Variants in ETV6 observed in about 807,000 individuals in gnomAD.
The protein encoded by ETV6 is ETS variant transcription factor 6.
ETV6 carries 16 observed loss-of-function variants against 51.1 expected under a neutral mutation model. The ratio of observed to expected loss-of-function variants is 0.31; its 90% CI spans 0.21 to 0.48. The LOEUF (loss-of-function observed/expected upper bound fraction) is 0.48, where lower values mean the gene tolerates loss of function less well. ETV6 is among the 20% of genes least tolerant of loss of function. ETV6 has a pLI of 0.99. For synonymous variants in ETV6, 240 were observed against 224.1 expected (o/e 1.07, Z -0.64); for missense variants, 458 against 594.8 (o/e 0.77, Z 2.39).
chr12:11,765,929 G>T lies in ETV6; in HGVS notation c.163+13350G>T, dbSNP rs189407235. The stretch of plus-strand genomic sequence containing the variant: ...ACTGTCCTGGGACAGTCCCGTGGTG[G>T]GTGTGAGCGTCTGTGTGATGCAGGT... On this transcript the variant is annotated intron_variant, in intron 2 of 7. Transcript: ENST00000396373. 2.8e-3 allele frequency among the ~76,000 whole-genome samples: 424 copies of T among 152,260 alleles called. 2 individuals are homozygous for T. The highest frequency in any genetic ancestry group is 9.6e-3 in the African/African-American group (400 of 41,524).
rs540080804 is a variant in ETV6, at chr12:11,854,105, G to A, written c.463+544G>A. 5.9e-5 allele frequency among the ~76,000 whole-genome samples: 9 copies of A among 152,204 alleles called. No individual in the cohort carries two copies. In the East Asian group the frequency reaches 9.6e-4, roughly 16 times the overall value. On this transcript the variant is annotated intron_variant, in intron 4 of 7. Coordinates refer to ENST00000396373, the MANE Select transcript of ETV6 (RefSeq NM_001987.5). Reference sequence around the variant, plus strand: ...TGAGCTTGTTTTCCTGCAACTAGACGTTCCCATCTGGGGGTGATGGGAGAC... The same window carrying A: ...TGAGCTTGTTTTCCTGCAACTAGACATTCCCATCTGGGGGTGATGGGAGAC...
chr12:11,700,023 TG>T (rs561469202), intron 1 of ETV6, among the ~76,000 whole-genome samples: 5 of 152,204 alleles, frequency 3.3e-5, no homozygotes, highest in Admixed American at 6.5e-5. Flanking sequence ...TAGTTATTTG[TG>T]TATCTGTGTC....
intron 1 of ETV6, among the ~76,000 whole-genome samples, chr12:11,694,074 T>C (rs545153969): frequency 6.6e-6 from 1 of 152,358 alleles, no homozygotes; most frequent in East Asian, 1.9e-4. Context: ...AGAAACACTG[T>C]ATCATGCCGT....
intron 2 of ETV6, among the ~76,000 whole-genome samples, chr12:11,790,431 C>T (rs1945565013): frequency 6.6e-6 from 1 of 152,098 alleles, no homozygotes; most frequent in Non-Finnish European, 1.5e-5. Flanking sequence ...CCACACATTT[C>T]CTTGGGATGC....
At chr12:11,822,319 A>G (rs923172270) in intron 2 of ETV6, among the ~76,000 whole-genome samples, 3 of 152,308 alleles carry the variant, frequency 2.0e-5, no homozygotes, top group Admixed American at 6.5e-5. Flanking sequence ...TGAGATGATC[A>G]TTCAGCCTGA....
At chr12:11,773,994 G>A (rs565504241) in intron 2 of ETV6, among the ~76,000 whole-genome samples, 19 of 152,254 alleles carry the variant, frequency 1.2e-4, no homozygotes, top group South Asian at 4.2e-4. Flanking sequence ...AGAGTGAAGC[G>A]GGCAGAGACT....
chr12:11,795,469 A>G (rs1486347809), intron 2 of ETV6, among the ~76,000 whole-genome samples: 1 of 152,272 alleles, frequency 6.6e-6, no homozygotes, highest in African/African-American at 2.4e-5. Context: ...AACCAGGCCA[A>G]TAGAGCCAAA....
intron 1 of ETV6, among the ~76,000 whole-genome samples, chr12:11,746,612 A>G (rs896800766): frequency 1.3e-5 from 2 of 152,172 alleles, no homozygotes; most frequent in African/African-American, 4.8e-5. Context: ...TATTGAGACC[A>G]TCCTGGAAAT....
chr12:11,672,717 C>T (rs981691398), intron 1 of ETV6, among the ~76,000 whole-genome samples: 2 of 152,230 alleles, frequency 1.3e-5, no homozygotes, highest in African/African-American at 2.4e-5. Context: ...CCCCACCACA[C>T]GTGTTAACAG....
At position 11,872,081 on chromosome 12, in the gene ETV6, T is replaced by C. The variant is rs528118516; in HGVS notation, c.1009+2112T>C. 8.5e-5 allele frequency among the ~76,000 whole-genome samples: 13 copies of C among 152,370 alleles called. No individual in the cohort carries two copies. The South Asian group carries it at 2.7e-3, about 32-fold the overall frequency. On this transcript the variant is annotated intron_variant, in intron 5 of 7. Transcript: ENST00000396373. ...GTGTGTGCAGCAGTACTTGACATTTTGCAGATACCTTTTGCTTGTTTATAA... is the reference window on the plus strand; with the variant it reads ...GTGTGTGCAGCAGTACTTGACATTTCGCAGATACCTTTTGCTTGTTTATAA...
intron 2 of ETV6, among the ~76,000 whole-genome samples, chr12:11,827,111 C>CAT (rs1565541299): frequency 6.8e-6 from 1 of 146,826 alleles, no homozygotes; most frequent in Non-Finnish European, 1.5e-5. Flanking sequence ...CACACACACA[C>CAT]AAATGCAACA....
intron 2 of ETV6, among the ~76,000 whole-genome samples, chr12:11,775,352 T>A (rs888826147): frequency 6.6e-6 from 1 of 152,194 alleles, no homozygotes; most frequent in African/African-American, 2.4e-5. Context: ...AACTTAACTA[T>A]TCACAACAAA....
intron 1 of ETV6, among the ~76,000 whole-genome samples, chr12:11,691,671 G>A (rs905771267): frequency 6.6e-6 from 1 of 152,170 alleles, no homozygotes. Flanking sequence ...ATGCATCACG[G>A]TAGTTAATTT....
chr12:11,650,088 A>G lies in ETV6; in HGVS notation c.-40A>G, dbSNP rs1292665758. 3.7e-6 allele frequency: 6 copies of G among 1,607,860 alleles called. No individual in the cohort carries two copies. Among genetic ancestry groups the G allele is most frequent in the African/African-American group, 1.3e-5 (1 of 74,884 alleles). ...GGTTGGGGAGAGGAAAGGAAAGTGG[A>G]AAAAACCTGAGAACTTCCTGATCTC... On this transcript the variant is annotated 5_prime_UTR_variant, in exon 1 of 8. Transcript: ENST00000396373.
intron 5 of ETV6, among the ~76,000 whole-genome samples, chr12:11,876,337 G>T (rs1946982812): frequency 6.6e-6 from 1 of 152,194 alleles, no homozygotes; most frequent in South Asian, 2.1e-4. Context: ...CATTGTTCTA[G>T]ATGATAGGGC....
chr12:11,823,018 G>A (rs1029678770), intron 2 of ETV6, among the ~76,000 whole-genome samples: 2 of 152,130 alleles, frequency 1.3e-5, no homozygotes, highest in African/African-American at 4.8e-5. Context: ...GGGATGAGTC[G>A]AGTCTTCCAA....
At chr12:11,654,199 A>C (rs1470089805) in intron 1 of ETV6, among the ~76,000 whole-genome samples, 1 of 152,228 alleles carries the variant, frequency 6.6e-6, no homozygotes, top group African/African-American at 2.4e-5. Flanking sequence ...AAGGTACAAC[A>C]AAGGGGCTTA....
chr12:11,683,476 T>C (rs1430042933), intron 1 of ETV6, among the ~76,000 whole-genome samples: 1 of 152,234 alleles, frequency 6.6e-6, no homozygotes, highest in Non-Finnish European at 1.5e-5. Flanking sequence ...GATCAAATTT[T>C]TTAAATGTCA....
chr12:11,669,756 T>C (rs1202368097), intron 1 of ETV6, among the ~76,000 whole-genome samples: 1 of 152,202 alleles, frequency 6.6e-6, no homozygotes, highest in Non-Finnish European at 1.5e-5. Context: ...TCTTTATTAA[T>C]ATAAAATAAT....
Sources: allele counts gnomAD v4.1 joint callset (sites outside exome capture counted in the v4.1 genomes callset), GRCh38; gene constraint gnomAD v4.1.1; transcripts MANE v1.5; gene names NCBI Gene and HGNC (gene_info 2026-07-23, HGNC 2026-07-21).